The following LRMDA variants were observed in gnomAD, a reference collection of about 807,000 sequenced individuals.
The protein encoded by LRMDA is leucine rich melanocyte differentiation associated, also known as leucine-rich melanocyte differentiation-associated protein.
In LRMDA, 18 loss-of-function variants were observed where a neutral mutation model predicts 29.8. That is an observed-to-expected ratio of 0.60 (90% CI 0.42 to 0.90). LRMDA has a LOEUF of 0.90. LRMDA is among the 40% of genes least tolerant of loss of function. LRMDA has a pLI of 0.00. For missense variants in LRMDA, 273 were observed against 273.9 expected (o/e 1.00, Z 0.02); for synonymous variants, 125 against 109.4 (o/e 1.14, Z -0.89).
At chr10:76,343,813 A>ATTTTTT (rs5786231) in intron 6 of LRMDA, among the ~76,000 whole-genome samples, 3 of 126,662 alleles carry the variant, frequency 2.4e-5, no homozygotes, top group East Asian at 2.3e-4. Flanking sequence ...TTTACAGGTG[A>ATTTTTT]TTTTTTTTTT....
At chr10:75,746,732 G>A (rs771308116) in intron 2 of LRMDA, among the ~76,000 whole-genome samples, 7 of 152,058 alleles carry the variant, frequency 4.6e-5, no homozygotes, top group Non-Finnish European at 1.0e-4. Context: ...ATTTTTGGGG[G>A]GGGAGCTTAT....
At chr10:75,788,332 T>C (rs1359850323) in intron 2 of LRMDA, among the ~76,000 whole-genome samples, 1 of 152,232 alleles carries the variant, frequency 6.6e-6, no homozygotes, top group Non-Finnish European at 1.5e-5. Flanking sequence ...TCTTTCTGTA[T>C]CAACATCTTT....
intron 2 of LRMDA, among the ~76,000 whole-genome samples, chr10:75,812,035 CCCTTT>C (rs1843970824): frequency 6.7e-6 from 1 of 149,934 alleles, no homozygotes; most frequent in African/African-American, 2.5e-5. Context: ...CATATTGTTT[CCCTTT>C]AGAATGCCAT....
intron 2 of LRMDA, among the ~76,000 whole-genome samples, chr10:75,514,936 G>A (rs918258821): frequency 1.8e-4 from 27 of 151,904 alleles, no homozygotes; most frequent in African/African-American, 5.6e-4. Context: ...GGGCCTTTCC[G>A]ATGACTCTTT....
chr10:75,934,124 G>T (rs770385942), intron 2 of LRMDA, among the ~76,000 whole-genome samples: 16 of 152,178 alleles, frequency 1.1e-4, no homozygotes, highest in Admixed American at 2.6e-4. Flanking sequence ...CATGGGTCCT[G>T]GGTAAGGAGA....
chr10:75,820,373 T>C (rs192963706), intron 2 of LRMDA, among the ~76,000 whole-genome samples: 1 of 152,248 alleles, frequency 6.6e-6, no homozygotes, highest in Admixed American at 6.5e-5. Context: ...TCTACAAACA[T>C]ATGGAAATTA....
chr10:76,464,224 T>G (rs1842541841), intron 6 of LRMDA, among the ~76,000 whole-genome samples: 1 of 152,044 alleles, frequency 6.6e-6, no homozygotes, highest in Non-Finnish European at 1.5e-5. Context: ...CGGCAGATAT[T>G]CTGAATCTTG....
chr10:76,402,726 C>G (rs1367665447), intron 6 of LRMDA, among the ~76,000 whole-genome samples: 2 of 152,158 alleles, frequency 1.3e-5, no homozygotes, highest in Admixed American at 1.3e-4. Context: ...TTGTCTAGGT[C>G]TGTAGTCCAG....
chr10:76,343,762 T>C (rs888705866), intron 6 of LRMDA, among the ~76,000 whole-genome samples: 9 of 151,576 alleles, frequency 5.9e-5, no homozygotes, highest in African/African-American at 2.2e-4. Flanking sequence ...GAGAAGAGAT[T>C]ACAGGCATCA....
chr10:76,388,455 G>C (rs1841686205), intron 6 of LRMDA, among the ~76,000 whole-genome samples: 1 of 152,172 alleles, frequency 6.6e-6, no homozygotes, highest in African/African-American at 2.4e-5. Flanking sequence ...TCATCTGTTT[G>C]GGCTAGGAGG....
At chr10:75,809,997 G>A (rs1296759133) in intron 2 of LRMDA, among the ~76,000 whole-genome samples, 1 of 152,218 alleles carries the variant, frequency 6.6e-6, no homozygotes, top group African/African-American at 2.4e-5. Flanking sequence ...TATGCTGGTT[G>A]CATTCTCATG....
chr10:75,925,378 C>T (rs1846103202), intron 2 of LRMDA, among the ~76,000 whole-genome samples: 1 of 152,110 alleles, frequency 6.6e-6, no homozygotes, highest in African/African-American at 2.4e-5. Context: ...ACATGTTTAC[C>T]ACTTAATTGC....
rs139197399 is a variant in LRMDA at position 76,363,627 on chromosome 10, T to TA, written c.601+39143dup. On this transcript the variant is annotated intron_variant, in intron 6 of 6. Transcript: ENST00000611255. Reference sequence around the variant, plus strand: ...CTAGATAACATGGAATACTTTTGCTTACTCTTTCTCTGCCTTCCTTCATTC... The same window carrying TA: ...CTAGATAACATGGAATACTTTTGCTTAACTCTTTCTCTGCCTTCCTTCATTC... Among the ~76,000 whole-genome samples, 1,162 of 152,266 alleles carry TA rather than the reference T, an allele frequency of 7.6e-3. 33 individuals are homozygous for TA. The South Asian group carries it at 0.094, about 12-fold the overall frequency.
chr10:75,818,268 T>C (rs1014983124), intron 2 of LRMDA, among the ~76,000 whole-genome samples: 1 of 152,156 alleles, frequency 6.6e-6, no homozygotes, highest in Non-Finnish European at 1.5e-5. Context: ...CAGCCACTAG[T>C]GGTATTGCTC....
At chr10:75,436,269 A>G (rs956609639) in intron 1 of LRMDA, among the ~76,000 whole-genome samples, 10 of 152,154 alleles carry the variant, frequency 6.6e-5, no homozygotes, top group African/African-American at 1.9e-4. Context: ...TGTCTATTAG[A>G]TTTAGTCCTT....
chr10:75,971,878 C>T (rs969101361), intron 2 of LRMDA, among the ~76,000 whole-genome samples: 2 of 152,130 alleles, frequency 1.3e-5, no homozygotes, highest in Non-Finnish European at 2.9e-5. Flanking sequence ...TTTTGGCCAA[C>T]GACTTCTGTG....
At chr10:75,641,925 G>T (rs1353413351) in intron 2 of LRMDA, among the ~76,000 whole-genome samples, 1 of 152,100 alleles carries the variant, frequency 6.6e-6, no homozygotes, top group East Asian at 1.9e-4. Flanking sequence ...AGGCCATGAA[G>T]TTTAATTTTG....
At chr10:75,546,726 A>G (rs1369140256) in intron 2 of LRMDA, among the ~76,000 whole-genome samples, 1 of 151,892 alleles carries the variant, frequency 6.6e-6, no homozygotes, top group East Asian at 1.9e-4. Flanking sequence ...TAGTCCGGAG[A>G]GAAGACCTAC....
At chr10:76,526,868 AT>A (rs1219004168) in intron 6 of LRMDA, among the ~76,000 whole-genome samples, 12 of 148,716 alleles carry the variant, frequency 8.1e-5, no homozygotes, top group African/African-American at 2.9e-4. Context: ...ATTGGGAGAT[AT>A]ACCTAATGCT....
Sources: allele counts gnomAD v4.1 joint callset (sites outside exome capture counted in the v4.1 genomes callset), GRCh38; gene constraint gnomAD v4.1.1; transcripts MANE v1.5; gene names NCBI Gene and HGNC (gene_info 2026-07-23, HGNC 2026-07-21).